Variants in SLMAP observed in about 807,000 individuals in gnomAD.
The protein encoded by SLMAP is sarcolemmal membrane-associated protein.
SLMAP carries 44 observed loss-of-function variants against 128.8 expected under a neutral mutation model. The observed-to-expected ratio is 0.34, with a 90% CI of 0.27 to 0.44. The LOEUF is 0.44. Among genes scored for constraint, SLMAP ranks in the 20% least tolerant of loss-of-function variants. The probability of loss-of-function intolerance (pLI) is 1.00; values close to 1 mark genes in which losing one functional copy is unlikely to be tolerated. For missense variants in SLMAP, 787 were observed against 985.3 expected (o/e 0.80, Z 2.69); for synonymous variants, 327 against 348.8 (o/e 0.94, Z 0.70).
At chr3:57,770,221 G>A (rs1576202943) in intron 2 of SLMAP, among the ~76,000 whole-genome samples, 1 of 152,194 alleles carries the variant, frequency 6.6e-6, no homozygotes, top group Admixed American at 6.5e-5. Flanking sequence ...ATACAAATAA[G>A]TCAAACAATA....
chr3:57,926,253 C>T (rs1389306722), intron 24 of SLMAP: 2 of 260,274 alleles, frequency 7.7e-6, no homozygotes, highest in Non-Finnish European at 1.4e-5. Flanking sequence ...TTAGTACCCT[C>T]TTTCCAATTA....
chr3:57,784,449 C>T (rs2083675444), intron 2 of SLMAP, among the ~76,000 whole-genome samples: 1 of 152,122 alleles, frequency 6.6e-6, no homozygotes. Flanking sequence ...CACCAGTTAC[C>T]CCTCTTTTCC....
intron 3 of SLMAP, among the ~76,000 whole-genome samples, chr3:57,838,969 G>A (rs2093777300): frequency 6.6e-6 from 1 of 152,028 alleles, no homozygotes; most frequent in African/African-American, 2.4e-5. Flanking sequence ...TTGTTTGTTT[G>A]TTTGTGTTTT....
intron 2 of SLMAP, among the ~76,000 whole-genome samples, chr3:57,786,552 C>CTTT (rs34574598): frequency 1.5e-5 from 2 of 129,968 alleles, no homozygotes; most frequent in African/African-American, 5.6e-5. Context: ...AATTATATAG[C>CTTT]TTTTTTTTTT....
intron 4 of SLMAP, among the ~76,000 whole-genome samples, chr3:57,842,285 A>G (rs1210606931): frequency 5.3e-5 from 8 of 152,134 alleles, no homozygotes; most frequent in Non-Finnish European, 1.2e-4. Flanking sequence ...TTGTTTGTTT[A>G]CTTTTCAAGA....
At position 57,849,747 on chromosome 3, in the gene SLMAP, T is replaced by C. The variant is rs1352275123; in HGVS notation, c.457-7T>C. On this transcript the variant is annotated splice_polypyrimidine_tract_variant and splice_region_variant and intron_variant, in intron 5 of 24. Transcript: ENST00000671191. ...TTTTCTGTTGATACTGTGTCATTTG[T>C]TTCTAGGTTGCTGCTAACACTCCAA... 3 of 1,521,504 alleles carry C rather than the reference T, an allele frequency of 2.0e-6. No homozygotes were observed. The highest frequency in any genetic ancestry group is 2.7e-6 in the Non-Finnish European group (3 of 1,095,804). 94.3% of individuals were successfully genotyped at this position (1,521,504 alleles called of 1,614,324 possible).
At chr3:57,830,074 G>C (rs181891516) in intron 2 of SLMAP, among the ~76,000 whole-genome samples, 1 of 152,090 alleles carries the variant, frequency 6.6e-6, no homozygotes, top group Non-Finnish European at 1.5e-5. Flanking sequence ...TCGCTCTGTT[G>C]TCCAGGCTGG....
chr3:57,846,252 A>T (rs1327780850), intron 4 of SLMAP, among the ~76,000 whole-genome samples: 2 of 152,180 alleles, frequency 1.3e-5, no homozygotes, highest in South Asian at 4.1e-4. Context: ...CTGAGATGCT[A>T]TACTACCTTT....
chr3:57,864,659 A>G lies in SLMAP; in HGVS notation c.1078A>G (p.Ile360Val), dbSNP rs2095241574. The G allele has an allele frequency of 6.3e-7, 1 of 1,598,768 alleles. No homozygotes were observed. The highest frequency in any genetic ancestry group is 1.8e-5 in the Admixed American group (1 of 56,124). Residue 360 changes from isoleucine to valine, a missense_variant, in exon 11 of 25, where the codon ATA becomes GTA. Transcript: ENST00000671191. ...EEKEQELQAKIEALQADNDFT... is the reference protein window; with the variant it reads ...EEKEQELQAKVEALQADNDFT... ...AAAAGAACAGGAGCTCCAGGCAAAA[A>G]TAGAAGCTTTGCAAGCTGATAATGA...
intron 2 of SLMAP, 72 bp downstream of exon 2, chr3:57,757,921 C>A: frequency 7.6e-7 from 1 of 1,314,484 alleles, no homozygotes; most frequent in South Asian, 1.2e-5. Context: ...CCTGAGAGGA[C>A]TAATGTATGC....
intron 14 of SLMAP, among the ~76,000 whole-genome samples, chr3:57,886,221 A>G (rs1001055385): frequency 6.6e-6 from 1 of 151,010 alleles, no homozygotes; most frequent in Admixed American, 6.6e-5. Flanking sequence ...CTCCTGCCTC[A>G]GCCTCCTGAG....
At chr3:57,805,537 T>C (rs982079999) in intron 2 of SLMAP, among the ~76,000 whole-genome samples, 2 of 152,230 alleles carry the variant, frequency 1.3e-5, no homozygotes, top group African/African-American at 4.8e-5. Context: ...TGAGCCCCTC[T>C]TACTACTTCT....
intron 4 of SLMAP, among the ~76,000 whole-genome samples, chr3:57,844,711 CTTTT>C (rs35011644): frequency 3.3e-5 from 3 of 92,276 alleles, no homozygotes; most frequent in Middle Eastern, 6.6e-3. Context: ...TCTATTTAGA[CTTTT>C]TTTTTTTTTT....
intron 14 of SLMAP, among the ~76,000 whole-genome samples, chr3:57,882,617 A>G (rs887550734): frequency 3.9e-5 from 6 of 152,230 alleles, no homozygotes; most frequent in African/African-American, 1.4e-4. Context: ...GCCATGGACA[A>G]TATGCAAATG....
At chr3:57,918,136 A>T (rs1264803859) in intron 22 of SLMAP, 2 of 152,178 alleles carry the variant, frequency 1.3e-5, no homozygotes, top group East Asian at 3.8e-4. Flanking sequence ...TACCTTACTA[A>T]AGATATGTGT....
chr3:57,843,295 C>CTTTTT (rs2094032398), intron 4 of SLMAP, among the ~76,000 whole-genome samples: 1 of 96,896 alleles, frequency 1.0e-5, no homozygotes, highest in Non-Finnish European at 2.1e-5. Context: ...TTTTTTCTTT[C>CTTTTT]TTTCTTTTCC....
intron 2 of SLMAP, among the ~76,000 whole-genome samples, chr3:57,825,309 T>C (rs899852145): frequency 3.9e-5 from 6 of 152,068 alleles, no homozygotes; most frequent in African/African-American, 7.2e-5. Flanking sequence ...CCTTGTCTTG[T>C]TCTTGATCTC....
At chr3:57,783,780 T>C (rs1226086752) in intron 2 of SLMAP, among the ~76,000 whole-genome samples, 1 of 152,148 alleles carries the variant, frequency 6.6e-6, no homozygotes, top group Non-Finnish European at 1.5e-5. Context: ...TTCAAGGCTA[T>C]CCCTGTCATC....
chr3:57,796,854 A>C (rs1005522900), intron 2 of SLMAP, among the ~76,000 whole-genome samples: 1 of 152,160 alleles, frequency 6.6e-6, no homozygotes, highest in Non-Finnish European at 1.5e-5. Flanking sequence ...ATGCAACTAT[A>C]TGTAGAATAT....
Sources: allele counts gnomAD v4.1 joint callset (sites outside exome capture counted in the v4.1 genomes callset), GRCh38; gene constraint gnomAD v4.1.1; transcripts MANE v1.5; gene names NCBI Gene and HGNC (gene_info 2026-07-23, HGNC 2026-07-21).